MYOM2: variants seen among roughly 807,000 people sequenced by gnomAD.
MYOM2 encodes the protein myomesin 2, also known as myomesin-2.
MYOM2 carries 254 observed loss-of-function variants against 187.6 expected under a neutral mutation model. That is an observed-to-expected ratio of 1.35 (90% confidence interval 1.22 to 1.50). MYOM2 has a LOEUF of 1.50. Among genes scored for constraint, MYOM2 ranks in the 40% most tolerant of loss-of-function variants. The pLI, the probability that MYOM2 is intolerant of heterozygous loss-of-function variation, is 0.00. For missense variants in MYOM2, 2,796 were observed against 1,924.0 expected, an observed-to-expected ratio of 1.45 and a Z score of -8.48; for synonymous variants, 981 against 753.8, an observed-to-expected ratio of 1.30 and a Z score of -4.94.
Position 2,072,541 on chromosome 8 carries a change from C to A in MYOM2, c.958+32C>A, listed in dbSNP as rs988739843. ...AGGACACGGCCCAGACCCGGGCACA[C>A]ACCAGGAGGCTTTTGGACGGAAATG... On this transcript the variant is annotated intron_variant, in intron 9 of 36. Transcript: ENST00000262113. 14 of 1,592,792 alleles carry A rather than the reference C, an allele frequency of 8.8e-6. No homozygotes were observed. The East Asian group carries it at 3.1e-4, about 36-fold the overall frequency.
intron 18 of MYOM2, chr8:2,098,114 A>T (rs1358873593): frequency 1.3e-5 from 2 of 152,246 alleles, no homozygotes; most frequent in African/African-American, 4.8e-5. Flanking sequence ...TGAGAAAAGT[A>T]CCTGCTTACT....
chr8:2,057,297 G>A (rs770743954), intron 3 of MYOM2, 51 bp from the exon 4 acceptor site: 94 of 1,564,738 alleles, frequency 6.0e-5, no homozygotes, highest in Non-Finnish European at 8.0e-5. Flanking sequence ...CGGGGGCCAC[G>A]TGGTTTTCTT....
chr8:2,138,501 G>A (rs1798160333), intron 32 of MYOM2, among the ~76,000 whole-genome samples: 1 of 152,192 alleles, frequency 6.6e-6, no homozygotes. Context: ...TCCGGGGAGG[G>A]GCAGATTATG....
chr8:2,143,581 G>A, intron 36 of MYOM2, 125 bp downstream of exon 36: 1 of 1,174,754 alleles, frequency 8.5e-7, no homozygotes, highest in Non-Finnish European at 1.3e-6. Context: ...AGCCTGCAGG[G>A]AACCCAGAGT....
chr8:2,124,342 T>C (rs1230722105), intron 31 of MYOM2, 125 bp downstream of exon 31: 8 of 914,646 alleles, frequency 8.7e-6, no homozygotes, highest in Non-Finnish European at 1.4e-5. Context: ...TGGGAGGCCC[T>C]GGATGGAAGG....
intron 15 of MYOM2, among the ~76,000 whole-genome samples, chr8:2,091,625 G>T (rs1016810425): frequency 6.6e-6 from 1 of 152,178 alleles, no homozygotes; most frequent in African/African-American, 2.4e-5. Flanking sequence ...CACGAGGCCG[G>T]CTGCCTCCAG....
intron 16 of MYOM2, among the ~76,000 whole-genome samples, chr8:2,093,517 G>T (rs1796378344): frequency 6.6e-6 from 1 of 152,166 alleles, no homozygotes; most frequent in Admixed American, 6.5e-5. Flanking sequence ...TCTTACAGGG[G>T]TTAAGGAGGT....
chr8:2,106,896 T>C (rs1796911975), intron 23 of MYOM2, among the ~76,000 whole-genome samples: 1 of 152,180 alleles, frequency 6.6e-6, no homozygotes, highest in Non-Finnish European at 1.5e-5. Flanking sequence ...GGGTAACATA[T>C]TAACTAAGAA....
chr8:2,078,613 T>G, intron 11 of MYOM2, 121 bp from the exon 12 acceptor site: 2 of 884,270 alleles, frequency 2.3e-6, no homozygotes, highest in East Asian at 5.0e-5. Flanking sequence ...CAGCAAAGAT[T>G]TTACTGGCGT....
At position 2,059,237 on chromosome 8, in the gene MYOM2, G is replaced by C; in HGVS notation, c.645G>C (p.Glu215Asp). Residue 215 changes from glutamate (E) to aspartate (D), a missense_variant, in exon 6 of 37, where the codon GAG becomes GAC. By Grantham distance (45) the Glu-to-Asp change is conservative. Transcript: ENST00000262113. Reference protein sequence around the residue: ...IESNYGVHTLEINRADFDDTA... With the variant: ...IESNYGVHTLDINRADFDDTA... ...GCAACTATGGCGTACACACACTGGA[G>C]ATCAACAGGTATGGCTGTGGTGGGG... 3 of 1,614,070 alleles carry C rather than the reference G, an allele frequency of 1.9e-6. No homozygotes were observed. Among genetic ancestry groups the C allele is most frequent in the Non-Finnish European group, 2.5e-6 (3 of 1,179,958 alleles).
At chr8:2,108,752 C>A in intron 23 of MYOM2, 34 bp from the exon 24 acceptor site, 1 of 1,611,970 alleles carries the variant, frequency 6.2e-7, no homozygotes, top group Non-Finnish European at 8.5e-7. Context: ...AGGTGCAGGT[C>A]CAGATGAATT....
intron 6 of MYOM2, among the ~76,000 whole-genome samples, chr8:2,065,578 A>G (rs747865718): frequency 1.3e-5 from 2 of 152,172 alleles, no homozygotes; most frequent in Non-Finnish European, 2.9e-5. Flanking sequence ...TCAACAAAAA[A>G]GAGCCTCGGC....
In MYOM2 at chr8:2,084,444, G is replaced by C. The variant is rs73549949; in HGVS notation, c.1517-819G>C. Among the ~76,000 whole-genome samples the C allele has an allele frequency of 5.0e-3, 761 of 152,230 alleles. 6 individuals are homozygous for C. The highest frequency in any genetic ancestry group is 0.017 in the African/African-American group (702 of 41,526). ...GAATGGCTCAGAGATGTCCCGGGGA[G>C]GTTTCAGACCGTTTTAATCATGTGC... is the stretch of plus-strand genomic sequence containing the variant. On this transcript the variant is annotated intron_variant, in intron 13 of 36. Coordinates refer to ENST00000262113, the MANE Select transcript of MYOM2 (RefSeq NM_003970.4).
intron 35 of MYOM2, among the ~76,000 whole-genome samples, chr8:2,142,732 T>G: frequency 1.0e-3 from 1 of 976 alleles, no homozygotes; most frequent in South Asian, 0.038. Flanking sequence ...CTCCCTCCCT[T>G]CCTCCCTTCC....
Position 2,099,109 on chromosome 8 carries a change from C to T in MYOM2, c.2440+126C>T, listed in dbSNP as rs544298299. 38 of 1,275,696 alleles carry T rather than the reference C, an allele frequency of 3.0e-5. No homozygotes were observed. The East Asian group carries it at 8.7e-4, about 29-fold the overall frequency. The allele number at this position is 1,275,696 out of a possible 1,614,324, so 79.0% of individuals were successfully genotyped here. A position where few individuals can be genotyped will look rare whatever the true frequency, so the allele number is the denominator to read the frequency against. On this transcript the variant is annotated intron_variant, in intron 19 of 36. Coordinates refer to ENST00000262113, the MANE Select transcript of MYOM2 (RefSeq NM_003970.4). ...TCTGTTCCTCCGACACCCGCAGCCGCAGAGCCACCGTGCGCCAGGCGCCGT... is the reference window on the plus strand; with the variant it reads ...TCTGTTCCTCCGACACCCGCAGCCGTAGAGCCACCGTGCGCCAGGCGCCGT...
intron 32 of MYOM2, among the ~76,000 whole-genome samples, chr8:2,131,730 G>C (rs938689864): frequency 1.4e-5 from 2 of 147,876 alleles, no homozygotes; most frequent in Admixed American, 6.9e-5. Flanking sequence ...TGCAAGCTCA[G>C]CCTCCCAGGT....
At chr8:2,110,499 G>A (rs1030510055) in intron 25 of MYOM2, among the ~76,000 whole-genome samples, 3 of 152,134 alleles carry the variant, frequency 2.0e-5, no homozygotes, top group Non-Finnish European at 2.9e-5. Context: ...TAATTATAGC[G>A]TGCCTGGGAC....
intron 8 of MYOM2, among the ~76,000 whole-genome samples, chr8:2,070,921 C>T (rs1286217100): frequency 6.6e-6 from 1 of 152,182 alleles, no homozygotes; most frequent in East Asian, 1.9e-4. Flanking sequence ...TGCCCGTCTC[C>T]CACACCGTCC....
intron 25 of MYOM2, among the ~76,000 whole-genome samples, chr8:2,110,961 C>T (rs1797050668): frequency 6.6e-6 from 1 of 152,194 alleles, no homozygotes; most frequent in Admixed American, 6.5e-5. Flanking sequence ...AAACATCTAG[C>T]TTCTTTTGGG....
Sources: allele counts gnomAD v4.1 joint callset (sites outside exome capture counted in the v4.1 genomes callset), GRCh38; gene constraint gnomAD v4.1.1; transcripts MANE v1.5; gene names NCBI Gene and HGNC (gene_info 2026-07-23, HGNC 2026-07-21).